Variants in LYG1 observed in about 807,000 individuals in gnomAD.
LYG1 encodes the protein lysozyme g1, also known as lysozyme g-like protein 1.
LYG1 carries 17 observed loss-of-function variants against 21.7 expected under a neutral mutation model. The observed-to-expected ratio is 0.78, with a 90% CI of 0.54 to 1.18. LYG1 has a LOEUF of 1.18. Among genes scored for constraint, LYG1 ranks in the 50% most tolerant of loss-of-function variants. LYG1 has a pLI of 0.00. For synonymous variants in LYG1, 81 were observed against 87.4 expected, an observed-to-expected ratio of 0.93 and a Z score of 0.41; for missense variants, 211 against 238.1, an observed-to-expected ratio of 0.89 and a Z score of 0.75.
At chr2:99,301,461 GA>G (rs2094153728), upstream of LYG1, among the ~76,000 whole-genome samples, 6 of 116,944 alleles carry the variant, frequency 5.1e-5, no homozygotes, top group South Asian at 3.0e-4. Context: ...AGGAAGGGAA[GA>G]GGAAGGGAGG....
At chr2:99,295,874 G>T (rs533048608) in intron 2 of LYG1, among the ~76,000 whole-genome samples, 172 bp from the exon 3 acceptor site, 2 of 151,726 alleles carry the variant, frequency 1.3e-5, no homozygotes, top group Non-Finnish European at 2.9e-5. Context: ...ACAAGTAAGT[G>T]CTCCATTCAT....
chr2:99,298,675 C>A (rs1262488617), intron 1 of LYG1, 126 bp from the exon 2 acceptor site: 1 of 152,172 alleles, frequency 6.6e-6, no homozygotes, highest in Non-Finnish European at 1.5e-5. Flanking sequence ...TCCATCCAGC[C>A]CAGAAATGTG....
chr2:99,302,394 T>C (rs1051426728), upstream of LYG1, among the ~76,000 whole-genome samples: 3 of 152,112 alleles, frequency 2.0e-5, no homozygotes, highest in African/African-American at 7.2e-5. Context: ...GTTCAGTAAA[T>C]CTTTGTTGAA....
chr2:99,298,066 T>C (rs536082422), intron 2 of LYG1, among the ~76,000 whole-genome samples: 1 of 152,306 alleles, frequency 6.6e-6, no homozygotes, highest in South Asian at 2.1e-4. Context: ...ATACAGCATA[T>C]TGAAGCAACC....
At chr2:99,291,091 C>T in intron 5 of LYG1, 146 bp downstream of exon 5, 1 of 665,626 alleles carries the variant, frequency 1.5e-6, no homozygotes, top group Non-Finnish European at 2.5e-6. Context: ...TGTTGCTGCT[C>T]ATATCTCTCA....
intron 5 of LYG1, among the ~76,000 whole-genome samples, chr2:99,289,838 T>C (rs966003975): frequency 2.9e-5 from 4 of 137,930 alleles, no homozygotes; most frequent in Non-Finnish European, 6.5e-5. Context: ...AGAATTCTCT[T>C]GTTTGTTGTT....
intron 5 of LYG1, among the ~76,000 whole-genome samples, chr2:99,286,354 A>C (rs1295298059): frequency 6.6e-6 from 1 of 152,256 alleles, no homozygotes; most frequent in Non-Finnish European, 1.5e-5. Flanking sequence ...ATGGCAATGC[A>C]AAATGGTGCA....
chr2:99,290,390 C>T (rs1197344537), intron 5 of LYG1, among the ~76,000 whole-genome samples: 1 of 152,158 alleles, frequency 6.6e-6, no homozygotes, highest in Non-Finnish European at 1.5e-5. Flanking sequence ...GTGTCCCTCA[C>T]CTCATCTTAT....
upstream of LYG1, among the ~76,000 whole-genome samples, chr2:99,303,020 A>C (rs1025141440): frequency 6.6e-6 from 1 of 151,594 alleles, no homozygotes; most frequent in African/African-American, 2.4e-5. Context: ...CCATCTGAAA[A>C]AAAAAAAAAA....
upstream of LYG1, among the ~76,000 whole-genome samples, chr2:99,303,080 C>T (rs548043106): frequency 1.3e-5 from 2 of 151,576 alleles, no homozygotes; most frequent in African/African-American, 2.4e-5. Flanking sequence ...GACCACAAGG[C>T]AGGGCACTGT....
Position 99,298,512 on chromosome 2 carries a change from G to C in LYG1, c.-86C>G, listed in dbSNP as rs1385467900. Reference sequence around the variant, plus strand: ...CCAAAGCACTGTGTAAGTTTGTAAGGCATAATGGACCATGTCTTCTTCAGT... The same window carrying C: ...CCAAAGCACTGTGTAAGTTTGTAAGCCATAATGGACCATGTCTTCTTCAGT... On this transcript the variant is annotated 5_prime_UTR_variant, in exon 2 of 7. Transcript: ENST00000308528. 6.6e-6 allele frequency: 1 copy of C among 152,122 alleles called. No individual in the cohort carries two copies. Among genetic ancestry groups the C allele is most frequent in the Non-Finnish European group, 1.5e-5 (1 of 68,030 alleles). 9.4% of individuals were successfully genotyped at this position (152,122 alleles called of 1,614,324 possible).
chr2:99,296,238 C>T lies in LYG1; in HGVS notation c.-32-536G>A, dbSNP rs116381023. Among the ~76,000 whole-genome samples the T allele has an allele frequency of 2.6e-3, 389 of 152,262 alleles. 2 individuals carry two copies. Among genetic ancestry groups the T allele is most frequent in the African/African-American group, 8.6e-3 (359 of 41,548 alleles). On this transcript the variant is annotated intron_variant, in intron 2 of 6. Transcript: ENST00000308528. ...CTGCTCTAACCCCAGCCTGGAATCA[C>T]AGACCCCCTTTATCACCTTGAGCCA... is the stretch of plus-strand genomic sequence containing the variant.
At chr2:99,296,037 G>A (rs534312354) in intron 2 of LYG1, among the ~76,000 whole-genome samples, 1 of 151,074 alleles carries the variant, frequency 6.6e-6, no homozygotes, top group Non-Finnish European at 1.5e-5. Flanking sequence ...ACCCTGAAAA[G>A]CAAATTTCTG....
intron 5 of LYG1, among the ~76,000 whole-genome samples, chr2:99,288,047 A>G (rs532964842): frequency 1.3e-5 from 2 of 152,196 alleles, no homozygotes; most frequent in African/African-American, 4.8e-5. Context: ...TGTTTATTGT[A>G]TAACCTGTAA....
chr2:99,292,506 T>C, intron 4 of LYG1, 30 bp downstream of exon 4: 2 of 1,501,540 alleles, frequency 1.3e-6, no homozygotes, highest in Middle Eastern at 1.7e-4. Flanking sequence ...AGCCGGGGGA[T>C]AGGTTGAGAG....
chr2:99,303,566 G>A (rs2094159936), upstream of LYG1, among the ~76,000 whole-genome samples: 1 of 152,126 alleles, frequency 6.6e-6, no homozygotes, highest in East Asian at 1.9e-4. Context: ...CAGCCTCCGG[G>A]ACACTCCGCA....
chr2:99,298,015 T>C (rs1487794029), intron 2 of LYG1, among the ~76,000 whole-genome samples: 1 of 152,198 alleles, frequency 6.6e-6, no homozygotes, highest in Non-Finnish European at 1.5e-5. Context: ...ACACCTAGCT[T>C]GGAATTCTTA....
chr2:99,302,098 C>G (rs12611687), upstream of LYG1, among the ~76,000 whole-genome samples: 56,053 of 151,640 alleles, frequency 0.37, 11,055 homozygotes, highest in East Asian at 0.63. Flanking sequence ...CAGGATCTTT[C>G]CTTTTTATCT....
chr2:99,304,069 G>A (rs1052613418), upstream of LYG1, among the ~76,000 whole-genome samples: 4 of 152,140 alleles, frequency 2.6e-5, no homozygotes, highest in African/African-American at 9.7e-5. Context: ...GGATTGTTGG[G>A]AAGGCAAGAT....
Sources: allele counts gnomAD v4.1 joint callset (sites outside exome capture counted in the v4.1 genomes callset), GRCh38; gene constraint gnomAD v4.1.1; transcripts MANE v1.5; gene names NCBI Gene and HGNC (gene_info 2026-07-23, HGNC 2026-07-21).